Variants in ARHGAP18 observed in about 807,000 individuals in gnomAD.
ARHGAP18 encodes the protein Rho GTPase activating protein 18, also known as rho GTPase-activating protein 18.
Under a neutral mutation model 86.2 loss-of-function variants are expected in ARHGAP18, and 67 were observed. That is an observed-to-expected ratio of 0.78 (90% CI 0.64 to 0.95). The LOEUF is 0.95. ARHGAP18 is among the 40% of genes least tolerant of loss of function. The probability of loss-of-function intolerance (pLI) is 0.00; values close to 1 mark genes in which losing one functional copy is unlikely to be tolerated. For synonymous variants in ARHGAP18, 283 were observed against 280.4 expected, an observed-to-expected ratio of 1.01 and a Z score of -0.09; for missense variants, 691 against 780.4, an observed-to-expected ratio of 0.89 and a Z score of 1.37.
intron 7 of ARHGAP18, among the ~76,000 whole-genome samples, chr6:129,612,482 C>A (rs1017554375): frequency 6.6e-6 from 1 of 152,180 alleles, no homozygotes; most frequent in Non-Finnish European, 1.5e-5. Context: ...AAAGACAGAC[C>A]TATTCTTCAC....
chr6:129,693,446 T>C (rs1363022050), intron 1 of ARHGAP18, among the ~76,000 whole-genome samples: 3 of 152,206 alleles, frequency 2.0e-5, no homozygotes, highest in Admixed American at 6.5e-5. Flanking sequence ...TGATTACTAA[T>C]GGGGAGAGAA....
At chr6:129,672,789 A>G (rs879746235) in intron 1 of ARHGAP18, among the ~76,000 whole-genome samples, 1 of 152,258 alleles carries the variant, frequency 6.6e-6, no homozygotes. Flanking sequence ...CTCAAAAAAC[A>G]TATTTCCTTC....
chr6:129,599,356 T>C lies in ARHGAP18; in HGVS notation c.1573A>G (p.Ile525Val). ...ACTTGGTTTACAATAAACTTGGGAA[T>C]CTATAGAGAAAAGGAATTAAGCTTA... The part of the protein sequence containing the change: ...LIKYQKLLWT[I>V]PKFIVNQVRK... The change falls in exon 12 of 15, where the codon ATT becomes GTT. Residue 525 changes from isoleucine (I) to valine (V), a missense_variant and splice_region_variant. Transcript: ENST00000368149. 1 of 1,539,060 alleles carries C rather than the reference T, an allele frequency of 6.5e-7. No individual in the cohort carries two copies. Among genetic ancestry groups the C allele is most frequent in the Non-Finnish European group, 8.7e-7 (1 of 1,149,666 alleles).
intron 1 of ARHGAP18, among the ~76,000 whole-genome samples, chr6:129,655,493 T>A (rs560085221): frequency 3.4e-4 from 52 of 151,966 alleles, no homozygotes; most frequent in African/African-American, 1.2e-3. Flanking sequence ...GATGACAGCA[T>A]CAAAAATAGA....
In ARHGAP18 at chr6:129,638,415, T is replaced by A. The variant is rs1217982305; in HGVS notation, c.531A>T (p.Gln177His). The change falls in exon 3 of 15, where the codon CAA (glutamine) becomes CAT (histidine). Residue 177 changes from glutamine to histidine, a missense_variant. Coordinates refer to ENST00000368149, the MANE Select transcript of ARHGAP18 (RefSeq NM_033515.3). The part of the protein sequence containing the change: ...QIPDVRDIFA[Q>H]QRESKETAPG... ...CTACTGTTTCTTTTGATTCTCTCTG[T>A]TGAGCAAATATGTCTCTGACGTCAG... The A allele has an allele frequency of 6.2e-7, 1 of 1,613,990 alleles. No homozygotes were observed. Among genetic ancestry groups the A allele is most frequent in the Admixed American group, 1.7e-5 (1 of 59,984 alleles).
intron 1 of ARHGAP18, among the ~76,000 whole-genome samples, chr6:129,708,342 G>C (rs919534717): frequency 6.6e-6 from 1 of 152,104 alleles, no homozygotes; most frequent in Non-Finnish European, 1.5e-5. Context: ...TTGCCGTGTG[G>C]GCAGCTGCCC....
chr6:129,605,064 A>C (rs1384575773), intron 10 of ARHGAP18, among the ~76,000 whole-genome samples: 2 of 152,206 alleles, frequency 1.3e-5, no homozygotes, highest in Non-Finnish European at 2.9e-5. Flanking sequence ...AGGGTAAAGA[A>C]GCCCTTTACC....
At chr6:129,702,186 A>G (rs1193394017) in intron 1 of ARHGAP18, among the ~76,000 whole-genome samples, 2 of 152,222 alleles carry the variant, frequency 1.3e-5, no homozygotes, top group East Asian at 3.8e-4. Flanking sequence ...GAAAAAAACT[A>G]CAGGTAGTAA....
At chr6:129,646,256 C>T (rs952708581) in intron 1 of ARHGAP18, among the ~76,000 whole-genome samples, 1 of 152,180 alleles carries the variant, frequency 6.6e-6, no homozygotes, top group Admixed American at 6.5e-5. Flanking sequence ...CCTCACTTTT[C>T]CTATCTAAAA....
intron 5 of ARHGAP18, among the ~76,000 whole-genome samples, chr6:129,625,730 AT>A (rs1219516244): frequency 2.1e-4 from 7 of 33,948 alleles, no homozygotes; most frequent in African/African-American, 7.9e-4. Flanking sequence ...TATTATATAT[AT>A]TTATTATATA....
rs531334468 is a variant in ARHGAP18, at chr6:129,676,382, G to A, written c.113+33642C>T. Among the ~76,000 whole-genome samples, 4 of 152,270 alleles carry A rather than the reference G, an allele frequency of 2.6e-5. No individual in the cohort carries two copies. The East Asian group carries it at 7.7e-4, about 29-fold the overall frequency. Reference sequence around the variant, plus strand: ...CATTAGAACCTACATCACAGGGTCAGTCTATTCAAGGGGGTTTAAGGTATT... The same window carrying A: ...CATTAGAACCTACATCACAGGGTCAATCTATTCAAGGGGGTTTAAGGTATT... On this transcript the variant is annotated intron_variant, in intron 1 of 14. Coordinates refer to ENST00000368149, the MANE Select transcript of ARHGAP18 (RefSeq NM_033515.3).
chr6:129,616,000 A>T (rs1481387228), intron 7 of ARHGAP18, among the ~76,000 whole-genome samples: 1 of 152,244 alleles, frequency 6.6e-6, no homozygotes, highest in African/African-American at 2.4e-5. Context: ...AAATGACGCC[A>T]GGTAATCACA....
At chr6:129,612,016 A>T (rs1460242120) in intron 7 of ARHGAP18, among the ~76,000 whole-genome samples, 1 of 152,234 alleles carries the variant, frequency 6.6e-6, no homozygotes, top group Non-Finnish European at 1.5e-5. Context: ...AGCTTGTTCC[A>T]AGAAAGAATT....
intron 5 of ARHGAP18, among the ~76,000 whole-genome samples, chr6:129,620,667 C>A (rs1423191137): frequency 2.6e-5 from 4 of 152,156 alleles, no homozygotes; most frequent in Non-Finnish European, 5.9e-5. Context: ...GATTTTACTG[C>A]ATCTATTTTA....
At chr6:129,688,545 C>A (rs112077010) in intron 1 of ARHGAP18, among the ~76,000 whole-genome samples, 33,912 of 152,166 alleles carry the variant, frequency 0.22, 4,869 homozygotes, top group Non-Finnish European at 0.31. Flanking sequence ...GTAGTCCCAG[C>A]ACTTTGGGAG....
Position 129,600,718 on chromosome 6 carries a change from T to C in ARHGAP18, c.1496A>G (p.Gln499Arg). The change falls in exon 11 of 15, where the codon CAG becomes CGG. Residue 499 changes from glutamine to arginine, a missense_variant. Coordinates refer to ENST00000368149, the MANE Select transcript of ARHGAP18 (RefSeq NM_033515.3). ...CCCAGCTGCCATTACAAATTCTCGCTGTTCACTGGACTTCAATCCCAATGC... is the reference window on the plus strand; with the variant it reads ...CCCAGCTGCCATTACAAATTCTCGCCGTTCACTGGACTTCAATCCCAATGC... ...CHALGLKSSE[Q>R]REFVMAAGTA... is the part of the protein sequence containing the mutation. 6.2e-6 allele frequency: 10 copies of C among 1,613,790 alleles called. No individual in the cohort carries two copies. The highest frequency in any genetic ancestry group is 7.6e-6 in the Non-Finnish European group (9 of 1,179,816).
At chr6:129,640,489 T>C (rs763105244) in intron 2 of ARHGAP18, among the ~76,000 whole-genome samples, 4 of 152,168 alleles carry the variant, frequency 2.6e-5, no homozygotes, top group Non-Finnish European at 5.9e-5. Context: ...TTATCACAAA[T>C]AAGCTTGACT....
In ARHGAP18 at chr6:129,608,063, C is replaced by CTA; in HGVS notation, c.1123-12_1123-11insTA. ...TTCTTGGCAAAGATTCTGATAGGCACGAAAAAAAAAAAAAAAAAAAAAAGA... is the reference window on the plus strand; with the variant it reads ...TTCTTGGCAAAGATTCTGATAGGCACTAGAAAAAAAAAAAAAAAAAAAAAAGA... On this transcript the variant is annotated splice_polypyrimidine_tract_variant and intron_variant, in intron 8 of 14. Transcript: ENST00000368149. The CTA allele has an allele frequency of 1.6e-6, 1 of 643,586 alleles. No individual in the cohort carries two copies. Among genetic ancestry groups the CTA allele is most frequent in the Non-Finnish European group, 2.0e-6 (1 of 501,768 alleles). 39.9% of individuals were successfully genotyped at this position (643,586 alleles called of 1,614,324 possible). A position where few individuals can be genotyped will look rare whatever the true frequency, so the allele number is the denominator to read the frequency against.
chr6:129,622,690 C>T (rs755873687), intron 5 of ARHGAP18, among the ~76,000 whole-genome samples: 1 of 150,446 alleles, frequency 6.6e-6, no homozygotes, highest in Non-Finnish European at 1.5e-5. Flanking sequence ...AGTTCTCTAC[C>T]TCTTGAAAAA....
Sources: allele counts gnomAD v4.1 joint callset (sites outside exome capture counted in the v4.1 genomes callset), GRCh38; gene constraint gnomAD v4.1.1; transcripts MANE v1.5; gene names NCBI Gene and HGNC (gene_info 2026-07-23, HGNC 2026-07-21).